The following STIM2 variants were observed in gnomAD, a reference collection of about 807,000 sequenced individuals.
STIM2 encodes stromal interaction molecule 2.
In STIM2, 31 loss-of-function variants were observed where a neutral mutation model predicts 85.8. The ratio of observed to expected loss-of-function variants is 0.36; its 90% CI spans 0.27 to 0.49. STIM2 has a LOEUF of 0.49. Among genes scored for constraint, STIM2 ranks in the 20% least tolerant of loss-of-function variants. STIM2 has a pLI of 0.98. For synonymous variants in STIM2, 356 were observed against 331.1 expected, an observed-to-expected ratio of 1.08 and a Z score of -0.82; for missense variants, 841 against 927.6, an observed-to-expected ratio of 0.91 and a Z score of 1.21.
chr4:26,878,692 C>T (rs1222333693), intron 1 of STIM2, among the ~76,000 whole-genome samples: 1 of 152,168 alleles, frequency 6.6e-6, no homozygotes, highest in African/African-American at 2.4e-5. Flanking sequence ...AAGATACTAC[C>T]TGAGACTGGG....
intron 1 of STIM2, chr4:26,873,740 C>G: frequency 1.1e-6 from 1 of 882,110 alleles, no homozygotes. Flanking sequence ...TCTGCCTCCA[C>G]AGGCTCTAGG....
At chr4:26,885,212 T>TAAAAAA in intron 1 of STIM2, among the ~76,000 whole-genome samples, 1 of 152,286 alleles carries the variant, frequency 6.6e-6, no homozygotes, top group East Asian at 1.9e-4. Context: ...AAAAGCTTTT[T>TAAAAAA]ACTTAAATAC....
intron 1 of STIM2, among the ~76,000 whole-genome samples, chr4:26,896,552 G>A (rs1342187717): frequency 2.6e-5 from 4 of 152,090 alleles, no homozygotes; most frequent in Non-Finnish European, 5.9e-5. Context: ...TTTAAAAAAC[G>A]CTTTTATTTT....
At chr4:26,965,691 G>A (rs1285265608) in intron 3 of STIM2, among the ~76,000 whole-genome samples, 1 of 151,832 alleles carries the variant, frequency 6.6e-6, no homozygotes, top group Non-Finnish European at 1.5e-5. Context: ...AAGTACACTT[G>A]TGTTTTGGAG....
In STIM2 at chr4:27,024,099, A is replaced by G. The variant is rs1729004475; in HGVS notation, c.*1103A>G. ...GGACGTAAGTTGTCAACAAATTTCT[A>G]TTTTATATTGTTATATTTTTATGTA... On this transcript the variant is annotated 3_prime_UTR_variant, in exon 12 of 12. Transcript: ENST00000467087. 1 of 152,590 alleles carries G rather than the reference A, an allele frequency of 6.6e-6. No individual in the cohort carries two copies. Among genetic ancestry groups the G allele is most frequent in the Non-Finnish European group, 1.5e-5 (1 of 68,020 alleles). The allele number at this position is 152,590 out of a possible 1,614,324, so 9.5% of individuals were successfully genotyped here. A position where few individuals can be genotyped will look rare whatever the true frequency, so the allele number is the denominator to read the frequency against.
chr4:26,901,103 G>C (rs1204974579), intron 1 of STIM2, among the ~76,000 whole-genome samples: 1 of 152,164 alleles, frequency 6.6e-6, no homozygotes, highest in Admixed American at 6.6e-5. Context: ...GAGACACCTA[G>C]GACATGCTAC....
chr4:26,974,273 A>G (rs983349410), intron 3 of STIM2, among the ~76,000 whole-genome samples: 3 of 152,142 alleles, frequency 2.0e-5, no homozygotes, highest in South Asian at 2.1e-4. Context: ...TGATCCTTTC[A>G]TTATGATGTT....
intron 3 of STIM2, among the ~76,000 whole-genome samples, chr4:26,993,061 T>C (rs903387436): frequency 6.6e-6 from 1 of 152,172 alleles, no homozygotes; most frequent in Admixed American, 6.6e-5. Flanking sequence ...ATTTTCACTG[T>C]TGAACAGTCA....
intron 2 of STIM2, among the ~76,000 whole-genome samples, chr4:26,920,315 A>G (rs967732747): frequency 6.6e-6 from 1 of 152,180 alleles, no homozygotes; most frequent in African/African-American, 2.4e-5. Context: ...TTCTACAAAG[A>G]TATAGATAAC....
At chr4:26,870,835 A>G (rs1410613038) in intron 1 of STIM2, among the ~76,000 whole-genome samples, 1 of 152,150 alleles carries the variant, frequency 6.6e-6, no homozygotes, top group Non-Finnish European at 1.5e-5. Context: ...ATTTTACTGA[A>G]TTGCAAAGAT....
At chr4:26,957,848 T>C (rs1051385545) in intron 3 of STIM2, 122 bp downstream of exon 3, 2 of 598,020 alleles carry the variant, frequency 3.3e-6, no homozygotes, top group Admixed American at 3.8e-5. Context: ...TGTGAGGATA[T>C]TTATATTTTA....
rs1728996581 is a variant in STIM2, at chr4:27,023,830, A to G, written c.*834A>G. On this transcript the variant is annotated 3_prime_UTR_variant, in exon 12 of 12. Coordinates refer to ENST00000467087, the MANE Select transcript of STIM2 (RefSeq NM_020860.4). ...GAAACTTGATTGAAGGACTTAAAAC[A>G]TTCACAACCTTAAGCCGAGGTGGGG... 1 of 152,654 alleles carries G rather than the reference A, an allele frequency of 6.6e-6. No individual in the cohort carries two copies. Among genetic ancestry groups the G allele is most frequent in the East Asian group, 1.9e-4 (1 of 5,198 alleles). The allele number at this position is 152,654 out of a possible 1,614,324, so 9.5% of individuals were successfully genotyped here.
At chr4:27,021,294 G>T (rs1000932634) in intron 11 of STIM2, 2 of 451,918 alleles carry the variant, frequency 4.4e-6, no homozygotes, top group Non-Finnish European at 8.2e-6. Context: ...ATCATTTTAG[G>T]TTTTGGTAAG....
In STIM2 at chr4:27,007,552, A is replaced by T. The variant is rs750126977; in HGVS notation, c.1001A>T (p.Lys334Met). ...TTCTAGGTTCGCATGGCTCTGAAAA[A>T]GGCCGAAAAAGAATTTGAACTGAGA... The change falls in exon 8 of 12, where the codon AAG becomes ATG. Residue 334 changes from lysine (K) to methionine (M), a missense_variant. By Grantham distance (95) the Lys-to-Met change is moderately conservative. This residue lies in a region of STIM2 where 408 missense variants were observed against 525.4 expected (regional missense o/e 0.78). Coordinates refer to ENST00000467087, the MANE Select transcript of STIM2 (RefSeq NM_020860.4). 6.4e-7 allele frequency: 1 copy of T among 1,558,558 alleles called. No individual in the cohort carries two copies. The highest frequency in any genetic ancestry group is 1.2e-5 in the South Asian group (1 of 80,954).
At chr4:26,960,494 G>T (rs1435287303) in intron 3 of STIM2, among the ~76,000 whole-genome samples, 2 of 152,068 alleles carry the variant, frequency 1.3e-5, no homozygotes, top group Non-Finnish European at 2.9e-5. Flanking sequence ...CATTCACTTT[G>T]TATTCAGTAG....
chr4:26,867,477 C>T (rs1577403716), intron 1 of STIM2, among the ~76,000 whole-genome samples: 1 of 152,094 alleles, frequency 6.6e-6, no homozygotes, highest in African/African-American at 2.4e-5. Flanking sequence ...AATATATTTG[C>T]CATAAAATGC....
At chr4:26,881,465 CAAA>C (rs33990831) in intron 1 of STIM2, 4 of 121,236 alleles carry the variant, frequency 3.3e-5, no homozygotes, top group Middle Eastern at 4.2e-3. Context: ...GACTCCATCT[CAAA>C]AAAAAAAAAA....
chr4:26,902,396 A>T (rs1723955930), intron 1 of STIM2, among the ~76,000 whole-genome samples: 1 of 152,166 alleles, frequency 6.6e-6, no homozygotes, highest in African/African-American at 2.4e-5. Context: ...CAAATTACTG[A>T]TCTGCAAAGA....
At chr4:26,897,445 C>G (rs1723749225) in intron 1 of STIM2, among the ~76,000 whole-genome samples, 1 of 152,106 alleles carries the variant, frequency 6.6e-6, no homozygotes, top group African/African-American at 2.4e-5. Flanking sequence ...TCTTTCACTG[C>G]TTTTCTAATT....
Sources: allele counts gnomAD v4.1 joint callset (sites outside exome capture counted in the v4.1 genomes callset), GRCh38; gene constraint gnomAD v4.1.1; regional missense constraint gnomAD v4.1.1; transcripts MANE v1.5; gene names NCBI Gene and HGNC (gene_info 2026-07-23, HGNC 2026-07-21).